TTLL11: variants seen among roughly 807,000 people sequenced by gnomAD.
TTLL11 encodes tubulin polyglutamylase TTLL11.
Under a neutral mutation model 51.7 loss-of-function variants are expected in TTLL11, and 42 were observed. The observed-to-expected ratio is 0.81, with a 90% CI of 0.64 to 1.05. TTLL11 has a LOEUF of 1.05. Among genes scored for constraint, TTLL11 ranks in the 50% least tolerant of loss-of-function variants. The pLI, the probability that TTLL11 is intolerant of heterozygous loss-of-function variation, is 0.00. For synonymous variants in TTLL11, 381 were observed against 383.5 expected (o/e 0.99, Z 0.08); for missense variants, 799 against 940.4 (o/e 0.85, Z 1.97).
chr9:121,953,840 G>A (rs1473602746), intron 6 of TTLL11, among the ~76,000 whole-genome samples: 1 of 152,044 alleles, frequency 6.6e-6, no homozygotes, highest in Admixed American at 6.5e-5. Flanking sequence ...TCTATAATTT[G>A]GAACCCACCC....
chr9:121,939,765 G>A (rs562681106), intron 6 of TTLL11, among the ~76,000 whole-genome samples: 4 of 152,252 alleles, frequency 2.6e-5, no homozygotes, highest in Admixed American at 2.6e-4. Context: ...GATAATCGCT[G>A]GTGCTCATCG....
intron 6 of TTLL11, among the ~76,000 whole-genome samples, chr9:121,896,252 T>C (rs549874020): frequency 6.6e-6 from 1 of 152,220 alleles, no homozygotes; most frequent in African/African-American, 2.4e-5. Context: ...AGCAGATTAA[T>C]CTAGAAAGAA....
chr9:122,077,538 A>G (rs1360333855), intron 1 of TTLL11, among the ~76,000 whole-genome samples: 2 of 152,168 alleles, frequency 1.3e-5, no homozygotes, highest in East Asian at 3.8e-4. Flanking sequence ...AATCAATTAA[A>G]AAAGATATGA....
At chr9:121,866,939 C>G (rs1298675112) in intron 7 of TTLL11, among the ~76,000 whole-genome samples, 1 of 152,114 alleles carries the variant, frequency 6.6e-6, no homozygotes, top group Non-Finnish European at 1.5e-5. Flanking sequence ...TGTCACAAAA[C>G]CTGGGTTTTC....
chr9:121,846,586 C>A (rs369273118), intron 8 of TTLL11, among the ~76,000 whole-genome samples: 2 of 151,752 alleles, frequency 1.3e-5, no homozygotes, highest in African/African-American at 4.8e-5. Context: ...ACAAAAAATT[C>A]TCTCAGGCCA....
At chr9:121,943,808 G>C (rs1380558209) in intron 6 of TTLL11, among the ~76,000 whole-genome samples, 2 of 152,102 alleles carry the variant, frequency 1.3e-5, no homozygotes, top group African/African-American at 4.8e-5. Context: ...TTGAAATCCA[G>C]GCTTCGTGGG....
At chr9:122,004,791 C>T (rs1228204287) in intron 3 of TTLL11, among the ~76,000 whole-genome samples, 3 of 152,218 alleles carry the variant, frequency 2.0e-5, no homozygotes, top group Admixed American at 1.3e-4. Flanking sequence ...ACCACGTTGG[C>T]GGAGGCCATG....
intron 1 of TTLL11, among the ~76,000 whole-genome samples, chr9:122,058,915 A>G (rs756828523): frequency 2.6e-5 from 4 of 152,226 alleles, no homozygotes; most frequent in Non-Finnish European, 4.4e-5. Context: ...AGGCAATTGC[A>G]TTAAGTGTGT....
At chr9:121,900,553 G>C (rs1284445452) in intron 6 of TTLL11, among the ~76,000 whole-genome samples, 1 of 152,120 alleles carries the variant, frequency 6.6e-6, no homozygotes, top group Non-Finnish European at 1.5e-5. Flanking sequence ...AAAATTCTCA[G>C]CCTTAACGTC....
At chr9:121,946,273 C>T (rs948330600) in intron 6 of TTLL11, among the ~76,000 whole-genome samples, 1 of 152,176 alleles carries the variant, frequency 6.6e-6, no homozygotes, top group South Asian at 2.1e-4. Flanking sequence ...GGGGTCTCAA[C>T]AAGCCGACAG....
chr9:122,007,975 GC>G (rs1199824530), intron 3 of TTLL11, among the ~76,000 whole-genome samples: 2 of 152,160 alleles, frequency 1.3e-5, no homozygotes, highest in Non-Finnish European at 2.9e-5. Context: ...GACATCATGT[GC>G]CTCCAGATAT....
At chr9:121,990,309 T>C (rs1588182192) in intron 3 of TTLL11, among the ~76,000 whole-genome samples, 1 of 152,310 alleles carries the variant, frequency 6.6e-6, no homozygotes, top group East Asian at 1.9e-4. Flanking sequence ...CCTGCAGCCT[T>C]GGACAAGTGA....
intron 6 of TTLL11, among the ~76,000 whole-genome samples, chr9:121,931,124 G>A (rs1564311464): frequency 1.3e-5 from 2 of 152,258 alleles, no homozygotes; most frequent in African/African-American, 4.8e-5. Flanking sequence ...AGTCAGGCCA[G>A]CTATCTCCCT....
At chr9:121,953,182 A>C (rs1164802279) in intron 6 of TTLL11, among the ~76,000 whole-genome samples, 1 of 152,236 alleles carries the variant, frequency 6.6e-6, no homozygotes, top group Non-Finnish European at 1.5e-5. Flanking sequence ...TGATACCACC[A>C]AAAATGACTC....
At chr9:122,051,184 A>C (rs1845145619) in intron 1 of TTLL11, among the ~76,000 whole-genome samples, 1 of 152,220 alleles carries the variant, frequency 6.6e-6, no homozygotes, top group Non-Finnish European at 1.5e-5. Context: ...GGTATCTTAC[A>C]TAAATGCCTC....
intron 3 of TTLL11, among the ~76,000 whole-genome samples, chr9:122,030,274 T>G (rs548538633): frequency 6.6e-6 from 1 of 152,066 alleles, no homozygotes; most frequent in South Asian, 2.1e-4. Context: ...AAGCATAGTT[T>G]GCATACAATT....
rs1837741290 is a variant in TTLL11 at position 121,853,901 on chromosome 9, C to A, written c.1840+6436G>T. Among the ~76,000 whole-genome samples the A allele has an allele frequency of 6.6e-6, 1 of 152,152 alleles. No individual in the cohort carries two copies. Among genetic ancestry groups the A allele is most frequent in the Admixed American group, 6.5e-5 (1 of 15,286 alleles). On this transcript the variant is annotated intron_variant, in intron 8 of 8. Transcript: ENST00000321582. This position sits in a 1 kb window ranked among gnomAD's most constrained non-coding sequence, Gnocchi z 5.6. ...CAGAGCAGCTGGCAGGGGTAGGTGC[C>A]CCAGAAGCACTTCCCGAGAAAGTAG...
At chr9:121,915,357 T>C (rs534060134) in intron 6 of TTLL11, among the ~76,000 whole-genome samples, 1 of 152,354 alleles carries the variant, frequency 6.6e-6, no homozygotes, top group East Asian at 1.9e-4. Flanking sequence ...GTGCATATAC[T>C]AGTGCTGTGC....
At chr9:121,935,432 G>A (rs1318918038) in intron 6 of TTLL11, among the ~76,000 whole-genome samples, 8 of 152,138 alleles carry the variant, frequency 5.3e-5, no homozygotes, top group Non-Finnish European at 1.2e-4. Flanking sequence ...AATGTTCAAG[G>A]ACCCCACTTA....
Sources: allele counts gnomAD v4.1 joint callset (sites outside exome capture counted in the v4.1 genomes callset), GRCh38; gene constraint gnomAD v4.1.1; non-coding constraint Gnocchi (gnomAD v3.1); transcripts MANE v1.5; gene names NCBI Gene and HGNC (gene_info 2026-07-23, HGNC 2026-07-21).